Variants in STK4 observed in about 807,000 individuals in gnomAD.
STK4 encodes the protein serine/threonine kinase 4, also known as serine/threonine-protein kinase 4.
Under a neutral mutation model 64.9 loss-of-function variants are expected in STK4, and 30 were observed. The ratio of observed to expected loss-of-function variants is 0.46; its 90% CI spans 0.35 to 0.63. The LOEUF (loss-of-function observed/expected upper bound fraction) is 0.63. STK4 is among the 20% of genes least tolerant of loss of function. The probability of loss-of-function intolerance (pLI) is 0.01; values close to 1 mark genes in which losing one functional copy is unlikely to be tolerated. For missense variants in STK4, 466 were observed against 598.5 expected (o/e 0.78, Z 2.31); for synonymous variants, 177 against 199.0 (o/e 0.89, Z 0.93).
At chr20:45,030,823 T>G (rs1476486528) in intron 10 of STK4, among the ~76,000 whole-genome samples, 1 of 152,172 alleles carries the variant, frequency 6.6e-6, no homozygotes, top group African/African-American at 2.4e-5. Flanking sequence ...ATTTTGCCAT[T>G]CATAAAGCCA....
chr20:45,034,550 T>C (rs1432536210), intron 10 of STK4, among the ~76,000 whole-genome samples: 1 of 152,196 alleles, frequency 6.6e-6, no homozygotes, highest in Non-Finnish European at 1.5e-5. Context: ...ACAAGGTTGA[T>C]CTTATTCTTT....
intron 10 of STK4, among the ~76,000 whole-genome samples, chr20:45,074,458 T>C (rs1052022510): frequency 1.3e-5 from 2 of 152,136 alleles, no homozygotes; most frequent in South Asian, 4.1e-4. Flanking sequence ...TTACCTGGTA[T>C]ATAGTAGCCT....
At chr20:45,073,743 A>G (rs994872140) in intron 10 of STK4, among the ~76,000 whole-genome samples, 2 of 152,182 alleles carry the variant, frequency 1.3e-5, no homozygotes, top group Non-Finnish European at 2.9e-5. Context: ...ACATGGCAGC[A>G]GAGTCCCTTG....
chr20:45,017,124 A>G (rs548763694), intron 9 of STK4, among the ~76,000 whole-genome samples: 245 of 152,372 alleles, frequency 1.6e-3, no homozygotes, highest in Non-Finnish European at 2.7e-3. Context: ...TTTATTAAAT[A>G]GTCACTATGT....
At chr20:44,966,736 G>T (rs182627550) in intron 1 of STK4, 133 bp downstream of exon 1, 7 of 1,051,996 alleles carry the variant, frequency 6.7e-6, no homozygotes, top group Non-Finnish European at 7.4e-6. Flanking sequence ...GCTGAGTGAG[G>T]GGGGGGACGT....
intron 6 of STK4, among the ~76,000 whole-genome samples, chr20:44,995,952 A>G (rs6094072): frequency 0.062 from 9,385 of 152,240 alleles, 968 homozygotes; most frequent in African/African-American, 0.21. Flanking sequence ...TCTCTACTTT[A>G]TCAGTCTCCA....
intron 10 of STK4, among the ~76,000 whole-genome samples, chr20:45,074,405 C>G (rs1464287511): frequency 6.6e-6 from 1 of 152,110 alleles, no homozygotes; most frequent in Admixed American, 6.5e-5. Context: ...TTACCCCAAC[C>G]CCTGCCAAGG....
At chr20:44,995,287 T>G (rs1856848037) in intron 6 of STK4, 30 bp downstream of exon 6, 1 of 1,590,068 alleles carries the variant, frequency 6.3e-7, no homozygotes, top group Non-Finnish European at 8.6e-7. Context: ...GCCAGTGGGG[T>G]GGTTAGTTAC....
chr20:45,033,834 C>G (rs571904181), intron 10 of STK4, among the ~76,000 whole-genome samples: 2 of 152,240 alleles, frequency 1.3e-5, no homozygotes, highest in East Asian at 3.9e-4. Flanking sequence ...CCCACCTCGG[C>G]CTTTCAAAGT....
chr20:44,994,344 T>G (rs1489766831), intron 5 of STK4, among the ~76,000 whole-genome samples: 1 of 151,700 alleles, frequency 6.6e-6, no homozygotes, highest in East Asian at 1.9e-4. Context: ...TATTGGTTAT[T>G]GTTTTATTAT....
At chr20:44,976,110 A>G (rs531450237) in intron 2 of STK4, among the ~76,000 whole-genome samples, 2 of 152,384 alleles carry the variant, frequency 1.3e-5, no homozygotes, top group Admixed American at 1.3e-4. Context: ...AAAGGCAGAT[A>G]AAAAGTTGGG....
chr20:44,995,694 G>A (rs184368297), intron 6 of STK4, among the ~76,000 whole-genome samples: 6 of 151,246 alleles, frequency 4.0e-5, no homozygotes, highest in East Asian at 3.9e-4. Flanking sequence ...TGTAAGTGTC[G>A]CTATAGATGA....
At chr20:44,985,565 A>G (rs2067517541) in intron 4 of STK4, among the ~76,000 whole-genome samples, 2 of 151,040 alleles carry the variant, frequency 1.3e-5, no homozygotes, top group Admixed American at 6.6e-5. Context: ...CTGGTCTTGA[A>G]CTCCTGGCCT....
intron 9 of STK4, among the ~76,000 whole-genome samples, chr20:45,024,458 AT>A (rs1210879414): frequency 6.6e-6 from 1 of 151,980 alleles, no homozygotes; most frequent in Non-Finnish European, 1.5e-5. Context: ...ATGAATTGTG[AT>A]TTATTTATGT....
rs868389006 is a variant in STK4, at chr20:45,042,751, G to A, written c.1305+17621G>A. On this transcript the variant is annotated intron_variant, in intron 10 of 10. Coordinates refer to ENST00000372806, the MANE Select transcript of STK4 (RefSeq NM_006282.5). ...CTGATTGATGGTAATTTATTGTACT[G>A]CTACTGAGAAAAAAACACAACTCAG... Among the ~76,000 whole-genome samples, 119 of 141,594 alleles carry A rather than the reference G, an allele frequency of 8.4e-4. 1 individual carries two copies. Among genetic ancestry groups the A allele is most frequent in the African/African-American group, 2.6e-3 (105 of 40,378 alleles). 92.9% of individuals were successfully genotyped at this position (141,594 alleles called of 152,430 possible).
At chr20:44,968,948 G>C (rs2145623645) in intron 1 of STK4, among the ~76,000 whole-genome samples, 1 of 152,292 alleles carries the variant, frequency 6.6e-6, no homozygotes, top group Admixed American at 6.5e-5. Flanking sequence ...CTGAAGGCTA[G>C]AGATCTGAAA....
intron 10 of STK4, among the ~76,000 whole-genome samples, chr20:45,049,606 G>C (rs1261160677): frequency 1.3e-5 from 2 of 152,196 alleles, no homozygotes; most frequent in Non-Finnish European, 2.9e-5. Flanking sequence ...CCCTTTGCCA[G>C]CTTGGTCAGT....
intron 2 of STK4, 44 bp from the exon 3 acceptor site, chr20:44,978,398 GC>G (rs762905499): frequency 1.3e-6 from 2 of 1,580,870 alleles, no homozygotes; most frequent in Non-Finnish European, 1.7e-6. Flanking sequence ...TTATATCTTG[GC>G]TTGCTTTGAC....
At chr20:45,035,749 A>G (rs1200749723) in intron 10 of STK4, among the ~76,000 whole-genome samples, 2 of 152,190 alleles carry the variant, frequency 1.3e-5, no homozygotes, top group African/African-American at 4.8e-5. Flanking sequence ...ACTCAGACAT[A>G]GTCTCTGAAT....
Sources: allele counts gnomAD v4.1 joint callset (sites outside exome capture counted in the v4.1 genomes callset), GRCh38; gene constraint gnomAD v4.1.1; transcripts MANE v1.5; gene names NCBI Gene and HGNC (gene_info 2026-07-23, HGNC 2026-07-21).